Variants in TBCK observed in about 807,000 individuals in gnomAD.
TBCK encodes TBC1 domain containing kinase.
Under a neutral mutation model 113.4 loss-of-function variants are expected in TBCK, and 99 were observed. The ratio of observed to expected loss-of-function variants is 0.87; its 90% CI spans 0.74 to 1.03. The LOEUF (loss-of-function observed/expected upper bound fraction) is 1.03, where lower values mean the gene tolerates loss of function less well. Ranked by LOEUF, TBCK falls within the 50% of genes least tolerant of loss-of-function variation. TBCK has a pLI of 0.00. For missense variants in TBCK, 1,045 were observed against 1,061.3 expected, an observed-to-expected ratio of 0.98 and a Z score of 0.21; for synonymous variants, 369 against 370.8, an observed-to-expected ratio of 1.00 and a Z score of 0.05.
chr4:106,247,618 A>T (rs549155961), intron 9 of TBCK: 1 of 187,166 alleles, frequency 5.3e-6, no homozygotes, highest in South Asian at 1.2e-4. Context: ...ATATTTATGC[A>T]AACTATTATA....
intron 10 of TBCK, among the ~76,000 whole-genome samples, chr4:106,246,831 A>G (rs1760869919): frequency 6.6e-6 from 1 of 152,066 alleles, no homozygotes; most frequent in Admixed American, 6.6e-5. Flanking sequence ...GCGTGTGTGC[A>G]TGTACTTTGT....
chr4:106,056,438 T>C (rs528414769), intron 25 of TBCK, among the ~76,000 whole-genome samples: 1 of 151,426 alleles, frequency 6.6e-6, no homozygotes, highest in Non-Finnish European at 1.5e-5. Flanking sequence ...TATCTCTCTC[T>C]CTCTTTATAT....
intron 25 of TBCK, among the ~76,000 whole-genome samples, chr4:106,090,157 G>A (rs756854340): frequency 2.0e-5 from 3 of 152,234 alleles, no homozygotes; most frequent in African/African-American, 4.8e-5. Context: ...TGGGAGTTGC[G>A]AAGCTTCCTT....
At chr4:106,121,316 A>G (rs562937671) in intron 23 of TBCK, among the ~76,000 whole-genome samples, 62 of 150,496 alleles carry the variant, frequency 4.1e-4, no homozygotes, top group Admixed American at 7.9e-4. Context: ...TTCAACAAGA[A>G]GAGCTAACTA....
chr4:106,103,615 T>C, intron 24 of TBCK, among the ~76,000 whole-genome samples: 1 of 152,208 alleles, frequency 6.6e-6, no homozygotes, highest in East Asian at 1.9e-4. Flanking sequence ...CAACAGTATA[T>C]ACAGCATAGG....
In TBCK at chr4:106,043,198, C is replaced by T. The variant is rs1407956549; in HGVS notation, c.*3372G>A. The T allele has an allele frequency of 6.6e-6, 1 of 151,962 alleles. No individual in the cohort carries two copies. Among genetic ancestry groups the T allele is most frequent in the Non-Finnish European group, 1.5e-5 (1 of 67,996 alleles). 9.4% of individuals were successfully genotyped at this position (151,962 alleles called of 1,614,324 possible). On this transcript the variant is annotated 3_prime_UTR_variant, in exon 26 of 26. Transcript: ENST00000394708. ...GTTATTTTTAATATGCTTTTTGAAT[C>T]TAACATTTCTGTATTTTGAAAAGAG...
In TBCK at chr4:106,116,513, T is replaced by C. The variant is rs537215170; in HGVS notation, c.2236-135A>G. 9 of 791,514 alleles carry C rather than the reference T, an allele frequency of 1.1e-5. No homozygotes were observed. The African/African-American group carries it at 1.4e-4, about 12-fold the overall frequency. The allele number at this position is 791,514 out of a possible 1,614,324, so 49.0% of individuals were successfully genotyped here. A position where few individuals can be genotyped will look rare whatever the true frequency, so the allele number is the denominator to read the frequency against. Reference sequence around the variant, plus strand: ...GAAACTATCTAATTTTCACAGTCTATTGTGTAATTCAGTGGTCTCCAACCC... The same window carrying C: ...GAAACTATCTAATTTTCACAGTCTACTGTGTAATTCAGTGGTCTCCAACCC... On this transcript the variant is annotated intron_variant, in intron 23 of 25. Transcript: ENST00000394708.
intron 3 of TBCK, among the ~76,000 whole-genome samples, chr4:106,276,793 G>T (rs1178315719): frequency 1.3e-5 from 2 of 152,018 alleles, no homozygotes; most frequent in Non-Finnish European, 2.9e-5. Flanking sequence ...TACTCAGGAG[G>T]CTGAGGTAGA....
In TBCK at chr4:106,215,108, C is replaced by A. The variant is rs907853487; in HGVS notation, c.1775-2273G>T. On this transcript the variant is annotated intron_variant, in intron 19 of 25. Transcript: ENST00000394708. ...TTTCAACCTAGAATTTCATATCCAG[C>A]CAAACTAAGCTTCATAAGTGAAGGA... Among the ~76,000 whole-genome samples the A allele has an allele frequency of 1.2e-4, 18 of 151,040 alleles. No homozygotes were observed. In the East Asian group the frequency reaches 1.4e-3, roughly 11 times the overall value.
intron 3 of TBCK, among the ~76,000 whole-genome samples, chr4:106,271,586 T>C (rs1190841468): frequency 6.6e-6 from 1 of 151,874 alleles, no homozygotes; most frequent in African/African-American, 2.4e-5. Flanking sequence ...ACCCCATCTC[T>C]ACTAAAAATA....
chr4:106,289,620 T>G (rs1765467050), intron 3 of TBCK, among the ~76,000 whole-genome samples: 1 of 151,570 alleles, frequency 6.6e-6, no homozygotes, highest in Non-Finnish European at 1.5e-5. Flanking sequence ...AATACAAAAA[T>G]TACCCAGGCA....
At chr4:106,187,222 C>T (rs1057072992) in intron 22 of TBCK, among the ~76,000 whole-genome samples, 2 of 151,876 alleles carry the variant, frequency 1.3e-5, no homozygotes, top group African/African-American at 2.4e-5. Flanking sequence ...GTGATTCGGG[C>T]TCTTTTTTGG....
At chr4:106,236,872 TA>T in intron 12 of TBCK, 64 bp from the exon 13 acceptor site, 1 of 917,780 alleles carries the variant, frequency 1.1e-6, no homozygotes, top group South Asian at 2.3e-5. Flanking sequence ...GATCTGTGTT[TA>T]AAAAGACAAG....
intron 22 of TBCK, chr4:106,182,551 C>G (rs1444235680): frequency 6.6e-6 from 1 of 152,030 alleles, no homozygotes; most frequent in Non-Finnish European, 1.5e-5. Context: ...CCATCAGTAC[C>G]TAGTTTATTG....
At chr4:106,118,245 A>G (rs1248299865) in intron 23 of TBCK, among the ~76,000 whole-genome samples, 1 of 152,168 alleles carries the variant, frequency 6.6e-6, no homozygotes, top group Non-Finnish European at 1.5e-5. Flanking sequence ...TTTACCAGAT[A>G]GATTTATTTA....
At chr4:106,219,635 C>T (rs1757434867) in intron 19 of TBCK, among the ~76,000 whole-genome samples, 1 of 151,862 alleles carries the variant, frequency 6.6e-6, no homozygotes. Context: ...ACAATCTACT[C>T]AAGGGCAAGT....
chr4:106,245,706 C>CAT (rs1760720519), intron 10 of TBCK, among the ~76,000 whole-genome samples: 1 of 152,130 alleles, frequency 6.6e-6, no homozygotes, highest in Non-Finnish European at 1.5e-5. Context: ...ATAATAAAGA[C>CAT]ATTTATTCAT....
At chr4:106,211,145 C>G (rs1469323493) in intron 20 of TBCK, among the ~76,000 whole-genome samples, 1 of 151,912 alleles carries the variant, frequency 6.6e-6, no homozygotes, top group Non-Finnish European at 1.5e-5. Context: ...TAATTAGGTG[C>G]CTTTACAAAA....
Position 106,204,751 on chromosome 4 carries a change from A to ATTT in TBCK, c.1860+7996_1860+7998dup, listed in dbSNP as rs34775295. ...TTGAAAGAATGACAGACAAACAATGATTTTTTTTTTTTTTTTTTTTTTTTT... is the reference window on the plus strand; with the variant it reads ...TTGAAAGAATGACAGACAAACAATGATTTTTTTTTTTTTTTTTTTTTTTTTTTT... On this transcript the variant is annotated intron_variant, in intron 20 of 25. Transcript: ENST00000394708. 6.1e-3 allele frequency among the ~76,000 whole-genome samples: 529 copies of ATTT among 87,260 alleles called. 16 individuals carry two copies. The highest frequency in any genetic ancestry group is 0.013 in the African/African-American group (288 of 21,756). 57.2% of individuals were successfully genotyped at this position (87,260 alleles called of 152,430 possible). A position where few individuals can be genotyped will look rare whatever the true frequency, so the allele number is the denominator to read the frequency against.
Sources: allele counts gnomAD v4.1 joint callset (sites outside exome capture counted in the v4.1 genomes callset), GRCh38; gene constraint gnomAD v4.1.1; transcripts MANE v1.5; gene names NCBI Gene and HGNC (gene_info 2026-07-23, HGNC 2026-07-21).